GNG4: variants seen among roughly 807,000 people sequenced by gnomAD.
GNG4 encodes the protein guanine nucleotide-binding protein G(I)/G(S)/G(O) subunit gamma-4.
GNG4 carries 4 observed loss-of-function variants against 5.8 expected under a neutral mutation model. That is an observed-to-expected ratio of 0.69 (90% CI 0.34 to 1.57). The LOEUF (loss-of-function observed/expected upper bound fraction) is 1.57, where lower values mean the gene tolerates loss of function less well. Ranked by LOEUF, GNG4 falls within the 40% of genes most tolerant of loss-of-function variation. GNG4 has a pLI of 0.06. For synonymous variants in GNG4, 29 were observed against 32.9 expected, an observed-to-expected ratio of 0.88 and a Z score of 0.41; for missense variants, 96 against 95.1, an observed-to-expected ratio of 1.01 and a Z score of -0.04.
chr1:235,644,565 A>G lies in GNG4; in HGVS notation c.-123+5097T>C, dbSNP rs1255389960. ...GGCTGCAGTCCCCTAGTACCCTGCC[A>G]TGCAGCCCCACAGCTGCCGGGGGGA... On this transcript the variant is annotated intron_variant, in intron 1 of 3. Transcript: ENST00000391854. The surrounding 1 kb of genome is among the most constrained non-coding windows in gnomAD (Gnocchi z 5.9). Among the ~76,000 whole-genome samples, 2 of 152,212 alleles carry G rather than the reference A, an allele frequency of 1.3e-5. No homozygotes were observed. Among genetic ancestry groups the G allele is most frequent in the African/African-American group, 4.8e-5 (2 of 41,464 alleles).
At chr1:235,552,386 G>A in intron 3 of GNG4, 149 bp from the exon 4 acceptor site, 2 of 706,046 alleles carry the variant, frequency 2.8e-6, no homozygotes, top group Admixed American at 2.7e-5. Context: ...AGGCTGGAGG[G>A]AGGGTTTGTG....
At chr1:235,587,654 TTG>T (rs1687842034) in intron 2 of GNG4, among the ~76,000 whole-genome samples, 2 of 2,496 alleles carry the variant, frequency 8.0e-4, no homozygotes, top group African/African-American at 1.8e-3. Flanking sequence ...TGGGAGGGTG[TTG>T]GGTGTGTGTG....
intron 1 of GNG4, among the ~76,000 whole-genome samples, chr1:235,619,814 A>G (rs879751206): frequency 6.6e-6 from 1 of 152,250 alleles, no homozygotes; most frequent in Non-Finnish European, 1.5e-5. Context: ...CCTAACTCAC[A>G]TCGATGTATT....
At chr1:235,555,603 C>T (rs879229903) in intron 3 of GNG4, among the ~76,000 whole-genome samples, 10 of 149,986 alleles carry the variant, frequency 6.7e-5, no homozygotes, top group Admixed American at 6.0e-4. Flanking sequence ...CGCTTGAGTC[C>T]GGGAGTTCAA....
Position 235,642,317 on chromosome 1 carries a change from G to C in GNG4, c.-123+7345C>G, listed in dbSNP as rs138234392. ...TCCGCCTCGAGGCCACTGGTGCTTG[G>C]GGGTGGGAAAAGAGTGACCGGGGGC... On this transcript the variant is annotated intron_variant, in intron 1 of 3. Coordinates refer to ENST00000391854, the MANE Select transcript of GNG4 (RefSeq NM_001098722.2). This position sits in a 1 kb window ranked among gnomAD's most constrained non-coding sequence, Gnocchi z 4.3. Among the ~76,000 whole-genome samples the C allele has an allele frequency of 1.2e-4, 19 of 152,302 alleles. No homozygotes were observed. Among genetic ancestry groups the C allele is most frequent in the African/African-American group, 3.8e-4 (16 of 41,578 alleles).
intron 1 of GNG4, among the ~76,000 whole-genome samples, chr1:235,628,922 A>T (rs73122519): frequency 0.025 from 3,790 of 151,534 alleles, 162 homozygotes; most frequent in African/African-American, 0.084. Flanking sequence ...CAGGAGATGG[A>T]CATGCATTTC....
At chr1:235,624,461 CA>C (rs1196555810) in intron 1 of GNG4, among the ~76,000 whole-genome samples, 3 of 152,006 alleles carry the variant, frequency 2.0e-5, no homozygotes, top group Non-Finnish European at 4.4e-5. Context: ...GCTATTTTTA[CA>C]AAGTAGAAAG....
chr1:235,627,807 C>T (rs1688846516), intron 1 of GNG4, among the ~76,000 whole-genome samples: 1 of 152,208 alleles, frequency 6.6e-6, no homozygotes, highest in Admixed American at 6.5e-5. Flanking sequence ...TCCTTAGTTT[C>T]AACCATGAGA....
At chr1:235,553,153 T>C (rs1461142022) in intron 3 of GNG4, among the ~76,000 whole-genome samples, 3 of 152,200 alleles carry the variant, frequency 2.0e-5, no homozygotes, top group Non-Finnish European at 4.4e-5. Flanking sequence ...TCCAGGCTTA[T>C]CTGAAGCCTG....
rs575985242 is a variant in GNG4, at chr1:235,612,393, C to A, written c.-122-16882G>T. On this transcript the variant is annotated intron_variant, in intron 1 of 3. Transcript: ENST00000391854. ...CCCCATGTGATGGTCATGGTGCAAA[C>A]AGACGGGGCCTTCACAGGGAGGTGC... 2.6e-5 allele frequency among the ~76,000 whole-genome samples: 4 copies of A among 152,272 alleles called. No individual in the cohort carries two copies. The South Asian group carries it at 8.3e-4, about 32-fold the overall frequency.
chr1:235,630,081 T>G (rs1173604205), intron 1 of GNG4, among the ~76,000 whole-genome samples: 1 of 152,246 alleles, frequency 6.6e-6, no homozygotes, highest in Non-Finnish European at 1.5e-5. Context: ...GCATGTCTCT[T>G]GCACGATAAT....
At chr1:235,553,102 G>C (rs1203231810) in intron 3 of GNG4, among the ~76,000 whole-genome samples, 1 of 152,208 alleles carries the variant, frequency 6.6e-6, no homozygotes, top group African/African-American at 2.4e-5. Context: ...CCTGCGGAGA[G>C]AGGTGCTCCT....
chr1:235,556,744 GTTA>G (rs35835308), intron 3 of GNG4, among the ~76,000 whole-genome samples: 99,144 of 150,854 alleles, frequency 0.66, 33,401 homozygotes, highest in East Asian at 0.85. Flanking sequence ...CTTTATTTCT[GTTA>G]TTATTACATT....
chr1:235,609,599 G>A (rs1688434302), intron 1 of GNG4, among the ~76,000 whole-genome samples: 1 of 152,100 alleles, frequency 6.6e-6, no homozygotes, highest in Non-Finnish European at 1.5e-5. Flanking sequence ...TTTTCAGAAA[G>A]GTTGCAAGTA....
Position 235,548,703 on chromosome 1 carries a change from C to T in GNG4, c.*3406G>A, listed in dbSNP as rs1686652419. On this transcript the variant is annotated 3_prime_UTR_variant, in exon 4 of 4. Transcript: ENST00000391854. Reference sequence around the variant, plus strand: ...CACACCACTAAGTTTATATCTAAGGCATGATGTCCCTGCTGTAGGAAGGGA... The same window carrying T: ...CACACCACTAAGTTTATATCTAAGGTATGATGTCCCTGCTGTAGGAAGGGA... 6.6e-6 allele frequency: 1 copy of T among 152,236 alleles called. No homozygotes were observed. The highest frequency in any genetic ancestry group is 1.9e-4 in the East Asian group (1 of 5,194). 9.4% of individuals were successfully genotyped at this position (152,236 alleles called of 1,614,324 possible).
intron 1 of GNG4, among the ~76,000 whole-genome samples, chr1:235,603,913 A>C (rs762110058): frequency 3.9e-5 from 6 of 152,170 alleles, no homozygotes; most frequent in African/African-American, 9.6e-5. Flanking sequence ...TTGACAAATT[A>C]GTGCAGAATA....
rs372803662 is a variant in GNG4 at position 235,592,918 on chromosome 1, G to C, written c.-11+2482C>G. ...GTGGATATCTGGTCTTACCACGCTG[G>C]GCAAGCAGACCCCGGTTTGCTCTGT... On this transcript the variant is annotated intron_variant, in intron 2 of 3. Transcript: ENST00000391854. Among the ~76,000 whole-genome samples, 4 of 151,062 alleles carry C rather than the reference G, an allele frequency of 2.6e-5. No homozygotes were observed. In the East Asian group the frequency reaches 7.8e-4, roughly 30 times the overall value.
At chr1:235,605,253 C>G (rs557761352) in intron 1 of GNG4, among the ~76,000 whole-genome samples, 8 of 150,880 alleles carry the variant, frequency 5.3e-5, no homozygotes, top group Admixed American at 4.6e-4. Flanking sequence ...TGCAGCGGCA[C>G]GATCCCGGCT....
At chr1:235,601,696 C>G (rs990611305) in intron 1 of GNG4, among the ~76,000 whole-genome samples, 3 of 152,132 alleles carry the variant, frequency 2.0e-5, no homozygotes, top group African/African-American at 7.2e-5. Context: ...CTTGCAGCTA[C>G]GTGTGGCTTT....
Sources: allele counts gnomAD v4.1 joint callset (sites outside exome capture counted in the v4.1 genomes callset), GRCh38; gene constraint gnomAD v4.1.1; non-coding constraint Gnocchi (gnomAD v3.1); transcripts MANE v1.5; gene names NCBI Gene and HGNC (gene_info 2026-07-23, HGNC 2026-07-21).